Variants in LYNX1 observed in about 807,000 individuals in gnomAD.
LYNX1 encodes ly-6/neurotoxin-like protein 1.
LYNX1 carries 8 observed loss-of-function variants against 8.3 expected under a neutral mutation model. The ratio of observed to expected loss-of-function variants is 0.97; its 90% CI spans 0.57 to 1.74. The LOEUF is 1.74. Ranked by LOEUF, LYNX1 falls within the 40% of genes most tolerant of loss-of-function variation. The probability of loss-of-function intolerance (pLI) is 0.00; values close to 1 mark genes in which losing one functional copy is unlikely to be tolerated. For missense variants in LYNX1, 158 were observed against 159.7 expected, an observed-to-expected ratio of 0.99 and a Z score of 0.06; for synonymous variants, 73 against 67.9, an observed-to-expected ratio of 1.08 and a Z score of -0.37.
chr8:142,776,528 C>T (rs773382118), intron 1 of LYNX1: 41 of 162,646 alleles, frequency 2.5e-4, no homozygotes, highest in Non-Finnish European at 4.1e-4. Flanking sequence ...GATGGCTGGC[C>T]ATGGCAGGAC....
At chr8:142,777,760 T>C (rs1815487519), upstream of LYNX1, 3 of 397,734 alleles carry the variant, frequency 7.5e-6, no homozygotes, top group South Asian at 2.5e-4. Flanking sequence ...CAGACTCACG[T>C]GTTCAGCCCG....
chr8:142,774,153 C>T lies in LYNX1; in HGVS notation c.*1014G>A. ...GGAGGGGCTGGGTCTCCGCCCTCCC[C>T]ACCCCACCCTCCCCACTCCCGCCCC... On this transcript the variant is annotated 3_prime_UTR_variant, in exon 4 of 4. Coordinates refer to ENST00000652477, the MANE Select transcript of LYNX1 (RefSeq NM_177477.4). The T allele has an allele frequency of 5.1e-6, 5 of 978,136 alleles. No homozygotes were observed. The highest frequency in any genetic ancestry group is 1.2e-4 in the East Asian group (1 of 8,586). 60.6% of individuals were successfully genotyped at this position (978,136 alleles called of 1,614,324 possible).
rs1435380314 is a variant in LYNX1, at chr8:142,772,651, T to TG, written c.*2515dup. ...TACAGTGCTCAGGGCCACAGTGCAG[T>TG]GGGGGGACCCACGTCCATCGCCACC... On this transcript the variant is annotated 3_prime_UTR_variant, in exon 4 of 4. Transcript: ENST00000652477. The TG allele has an allele frequency of 3.0e-6, 3 of 985,504 alleles. No homozygotes were observed. Among genetic ancestry groups the TG allele is most frequent in the South Asian group, 4.7e-5 (1 of 21,286 alleles). 61.0% of individuals were successfully genotyped at this position (985,504 alleles called of 1,614,324 possible).
At chr8:142,775,748 C>T in intron 2 of LYNX1, 54 bp from the exon 3 acceptor site, 1 of 1,544,240 alleles carries the variant, frequency 6.5e-7, no homozygotes, top group Non-Finnish European at 8.8e-7. Flanking sequence ...CATGAGAGGC[C>T]CCTCCTCCAG....
chr8:142,772,255 G>C lies in LYNX1; in HGVS notation c.*2912C>G. 1 of 985,926 alleles carries C rather than the reference G, an allele frequency of 1.0e-6. No homozygotes were observed. Among genetic ancestry groups the C allele is most frequent in the Non-Finnish European group, 1.2e-6 (1 of 830,008 alleles). The allele number at this position is 985,926 out of a possible 1,614,324, so 61.1% of individuals were successfully genotyped here. A position where few individuals can be genotyped will look rare whatever the true frequency, so the allele number is the denominator to read the frequency against. ...ATCTACCCCCATGAAGGGGACCCTC[G>C]GTTCTGCGAGAGAGATCCCCGAAGT... On this transcript the variant is annotated 3_prime_UTR_variant, in exon 4 of 4. Transcript: ENST00000652477.
At position 142,773,714 on chromosome 8, in the gene LYNX1, A is replaced by C. The variant is rs1815275445; in HGVS notation, c.*1453T>G. ...CAGGGGTCCTGCATCAAAGCTCTGGAGATGCAATTTCCAGCAGGGGCTCCC... is the reference window on the plus strand; with the variant it reads ...CAGGGGTCCTGCATCAAAGCTCTGGCGATGCAATTTCCAGCAGGGGCTCCC... On this transcript the variant is annotated 3_prime_UTR_variant, in exon 4 of 4. Coordinates refer to ENST00000652477, the MANE Select transcript of LYNX1 (RefSeq NM_177477.4). 1.2e-5 allele frequency: 12 copies of C among 985,152 alleles called. No individual in the cohort carries two copies. The highest frequency in any genetic ancestry group is 1.4e-5 in the Non-Finnish European group (12 of 829,902). The allele number at this position is 985,152 out of a possible 1,614,324, so 61.0% of individuals were successfully genotyped here. A position where few individuals can be genotyped will look rare whatever the true frequency, so the allele number is the denominator to read the frequency against.
In LYNX1 at chr8:142,775,574, G is replaced by T; in HGVS notation, c.154+19C>A. The stretch of plus-strand genomic sequence containing the variant: ...CTTCGTGCTCCCCAGGCAGGGCCAC[G>T]CAGGGCCCCCAGACTCACAGGTGCG... On this transcript the variant is annotated intron_variant, in intron 3 of 3. Coordinates refer to ENST00000652477, the MANE Select transcript of LYNX1 (RefSeq NM_177477.4). 3 of 1,574,250 alleles carry T rather than the reference G, an allele frequency of 1.9e-6. No homozygotes were observed. The highest frequency in any genetic ancestry group is 2.6e-6 in the Non-Finnish European group (3 of 1,159,866).
At position 142,777,166 on chromosome 8, in the gene LYNX1, G is replaced by C. The variant is rs1037578782; in HGVS notation, c.-225C>G. 3 of 152,442 alleles carry C rather than the reference G, an allele frequency of 2.0e-5. No homozygotes were observed. Among genetic ancestry groups the C allele is most frequent in the African/African-American group, 7.2e-5 (3 of 41,454 alleles). 9.4% of individuals were successfully genotyped at this position (152,442 alleles called of 1,614,324 possible). ...TGGGAGTCACCCGCGGCCGCTCGCC[G>C]GTAGGTGCCTGCCTGAGTCTAATCG... On this transcript the variant is annotated 5_prime_UTR_variant, in exon 1 of 4. Coordinates refer to ENST00000652477, the MANE Select transcript of LYNX1 (RefSeq NM_177477.4).
chr8:142,777,648 C>T (rs1212001341), upstream of LYNX1: 2 of 395,024 alleles, frequency 5.1e-6, no homozygotes, highest in Non-Finnish European at 8.9e-6. Context: ...GACCCGTCCC[C>T]GGACCGCCGG....
chr8:142,773,852 T>C lies in LYNX1; in HGVS notation c.*1315A>G. ...CTCAGGACACCAGAGCTGGGAGCAC[T>C]GGTCAGGTGGGGGCCTCAGGTGCAG... On this transcript the variant is annotated 3_prime_UTR_variant, in exon 4 of 4. Coordinates refer to ENST00000652477, the MANE Select transcript of LYNX1 (RefSeq NM_177477.4). 1.0e-6 allele frequency: 1 copy of C among 985,340 alleles called. No individual in the cohort carries two copies. Among genetic ancestry groups the C allele is most frequent in the Non-Finnish European group, 1.2e-6 (1 of 829,908 alleles). The allele number at this position is 985,340 out of a possible 1,614,324, so 61.0% of individuals were successfully genotyped here. A position where few individuals can be genotyped will look rare whatever the true frequency, so the allele number is the denominator to read the frequency against.
chr8:142,774,644 C>T lies in LYNX1; in HGVS notation c.*523G>A, dbSNP rs116965450. ...CTAGCACAGGGGCCGGTGCCAAAGG[C>T]CCTCCTCCCACAGCCCTGATCCCGT... On this transcript the variant is annotated 3_prime_UTR_variant, in exon 4 of 4. Transcript: ENST00000652477. 0.027 allele frequency: 26,822 copies of T among 987,002 alleles called. 429 individuals are homozygous for T. The highest frequency in any genetic ancestry group is 0.03 in the Non-Finnish European group (24,689 of 831,090). 61.1% of individuals were successfully genotyped at this position (987,002 alleles called of 1,614,324 possible). A position where few individuals can be genotyped will look rare whatever the true frequency, so the allele number is the denominator to read the frequency against.
At chr8:142,777,675 T>TG (rs1815485672), upstream of LYNX1, 1 of 396,572 alleles carries the variant, frequency 2.5e-6, no homozygotes, top group South Asian at 1.4e-4. Flanking sequence ...GGGCAAGCGC[T>TG]GGGACCCCGA....
In LYNX1 at chr8:142,774,427, G is replaced by C; in HGVS notation, c.*740C>G. The C allele has an allele frequency of 2.0e-6, 2 of 985,940 alleles. No individual in the cohort carries two copies. The highest frequency in any genetic ancestry group is 2.4e-6 in the Non-Finnish European group (2 of 830,188). 61.1% of individuals were successfully genotyped at this position (985,940 alleles called of 1,614,324 possible). ...ACCCACCAAATATAGCATGGCCCTA[G>C]CTCCTGCCAGCTTCAGGCCTGGTGC... is the stretch of plus-strand genomic sequence containing the variant. On this transcript the variant is annotated 3_prime_UTR_variant, in exon 4 of 4. Transcript: ENST00000652477.
In LYNX1 at chr8:142,773,933, G is replaced by C; in HGVS notation, c.*1234C>G. The C allele has an allele frequency of 1.0e-6, 1 of 985,374 alleles. No homozygotes were observed. Among genetic ancestry groups the C allele is most frequent in the Non-Finnish European group, 1.2e-6 (1 of 829,914 alleles). The allele number at this position is 985,374 out of a possible 1,614,324, so 61.0% of individuals were successfully genotyped here. A position where few individuals can be genotyped will look rare whatever the true frequency, so the allele number is the denominator to read the frequency against. On this transcript the variant is annotated 3_prime_UTR_variant, in exon 4 of 4. Transcript: ENST00000652477. ...CCCCGAATGCCCCATTCACAGCAGG[G>C]GCAGGTGCTCCCTGGGCTACCTGCA... is the stretch of plus-strand genomic sequence containing the variant.
chr8:142,772,695 A>G lies in LYNX1; in HGVS notation c.*2472T>C, dbSNP rs587647977. On this transcript the variant is annotated 3_prime_UTR_variant, in exon 4 of 4. Coordinates refer to ENST00000652477, the MANE Select transcript of LYNX1 (RefSeq NM_177477.4). ...CGCCACCTTGATGCATACAACCCGG[A>G]CAAGTTTACTGCTGTGATTTCTGCC... 1.0e-6 allele frequency: 1 copy of G among 985,492 alleles called. No homozygotes were observed. Among genetic ancestry groups the G allele is most frequent in the African/African-American group, 1.7e-5 (1 of 57,226 alleles). The allele number at this position is 985,492 out of a possible 1,614,324, so 61.0% of individuals were successfully genotyped here.
chr8:142,775,106 T>C lies in LYNX1; in HGVS notation c.*61A>G. 3 of 1,549,258 alleles carry C rather than the reference T, an allele frequency of 1.9e-6. No individual in the cohort carries two copies. The highest frequency in any genetic ancestry group is 2.2e-4 in the Middle Eastern group (1 of 4,530). ...GGAGGGTGAGGCAGGGTGAGCTGGG[T>C]GCGAGGGTGTAGCAGTGTGTCTCGA... On this transcript the variant is annotated 3_prime_UTR_variant, in exon 4 of 4. Coordinates refer to ENST00000652477, the MANE Select transcript of LYNX1 (RefSeq NM_177477.4).
chr8:142,771,556 C>T lies in LYNX1; in HGVS notation c.*3611G>A. ...GGAGGCTCCTTAAGGCTGGGGAGGG[C>T]CCAGAGGGAAGGAGATCCTGAGGGG... On this transcript the variant is annotated 3_prime_UTR_variant, in exon 4 of 4. Coordinates refer to ENST00000652477, the MANE Select transcript of LYNX1 (RefSeq NM_177477.4). 1.0e-6 allele frequency: 1 copy of T among 985,394 alleles called. No individual in the cohort carries two copies. Among genetic ancestry groups the T allele is most frequent in the Non-Finnish European group, 1.2e-6 (1 of 829,936 alleles). The allele number at this position is 985,394 out of a possible 1,614,324, so 61.0% of individuals were successfully genotyped here.
rs928777017 is a variant in LYNX1, at chr8:142,772,426, A to G, written c.*2741T>C. 15 of 985,278 alleles carry G rather than the reference A, an allele frequency of 1.5e-5. No homozygotes were observed. In the African/African-American group the frequency reaches 1.9e-4, roughly 13 times the overall value. 61.0% of individuals were successfully genotyped at this position (985,278 alleles called of 1,614,324 possible). On this transcript the variant is annotated 3_prime_UTR_variant, in exon 4 of 4. Coordinates refer to ENST00000652477, the MANE Select transcript of LYNX1 (RefSeq NM_177477.4). ...CCACTTTTCTCCTTTTAAGCTTTCCATTTTGTAAACTCACCTCCCCCTTCC... is the reference window on the plus strand; with the variant it reads ...CCACTTTTCTCCTTTTAAGCTTTCCGTTTTGTAAACTCACCTCCCCCTTCC...
chr8:142,776,917 T>C (rs1376145860), intron 1 of LYNX1, 189 bp downstream of exon 1: 5 of 152,182 alleles, frequency 3.3e-5, no homozygotes, highest in Non-Finnish European at 7.3e-5. Context: ...AACTTACGCC[T>C]TCCCGAGAAC....
Sources: allele counts gnomAD v4.1 joint callset, GRCh38; gene constraint gnomAD v4.1.1; transcripts MANE v1.5; gene names NCBI Gene and HGNC (gene_info 2026-07-23, HGNC 2026-07-21).